The following POLA1 variants were observed in gnomAD, a reference collection of about 807,000 sequenced individuals.
The protein encoded by POLA1 is DNA polymerase alpha catalytic subunit.
A neutral mutation model predicts 124.0 loss-of-function variants in POLA1; 15 were observed. The observed-to-expected ratio is 0.12, with a 90% CI of 0.08 to 0.19. The LOEUF is 0.19. Among genes scored for constraint, POLA1 ranks in the 10% least tolerant of loss-of-function variants. The probability of loss-of-function intolerance (pLI) is 1.00; values close to 1 mark genes in which losing one functional copy is unlikely to be tolerated. For missense variants in POLA1, 886 were observed against 1,103.4 expected, an observed-to-expected ratio of 0.80 and a Z score of 2.79; for synonymous variants, 408 against 389.4, an observed-to-expected ratio of 1.05 and a Z score of -0.56.
intron 36 of POLA1, among the ~76,000 whole-genome samples, chrX:24,949,808 C>T (rs970330048): frequency 6.6e-5 from 7 of 106,002 alleles, no homozygotes; most frequent in African/African-American, 2.1e-4. Flanking sequence ...GATCTCGGCT[C>T]ACTGCAACCT....
intron 27 of POLA1, 87 bp from the exon 28 acceptor site, chrX:24,810,621 T>C (rs1016976349): frequency 4.6e-6 from 2 of 431,396 alleles, no homozygotes; most frequent in African/African-American, 2.6e-5. Context: ...GAGCCTGTAA[T>C]TTCTGTAGTA....
intron 26 of POLA1, among the ~76,000 whole-genome samples, chrX:24,749,459 A>G (rs1932204003): frequency 1.8e-5 from 2 of 112,041 alleles, no homozygotes; most frequent in Admixed American, 9.5e-5. Flanking sequence ...GGGCTAGAGA[A>G]TGTTTGGATG....
chrX:24,887,743 G>A (rs1231217173), intron 34 of POLA1, among the ~76,000 whole-genome samples: 1 of 109,277 alleles, frequency 9.2e-6, no homozygotes, highest in Admixed American at 9.7e-5. Flanking sequence ...GTATTGGAGT[G>A]AGGAAGGGTG....
In POLA1 at chrX:24,959,552, C is replaced by T. The variant is rs781448690; in HGVS notation, c.4261+29003C>T. Among the ~76,000 whole-genome samples the T allele has an allele frequency of 6.3e-5, 7 of 111,026 alleles. No homozygotes were observed. The East Asian group carries it at 1.7e-3, about 27-fold the overall frequency. On this transcript the variant is annotated intron_variant, in intron 36 of 36. Coordinates refer to ENST00000379068, the MANE Select transcript of POLA1 (RefSeq NM_001330360.2). ...TTCTACCATTTTCACTTGCTGCCAC[C>T]GTAGTTCAGGTGGTCCTCTCAACAG...
At chrX:24,761,519 G>T (rs138204290) in intron 26 of POLA1, among the ~76,000 whole-genome samples, 1,165 of 110,902 alleles carry the variant, frequency 0.011, 8 homozygotes, top group Non-Finnish European at 0.015. Context: ...TCAGCTCATG[G>T]GCTATTAATA....
chrX:24,943,399 T>G (rs757958884), intron 36 of POLA1, among the ~76,000 whole-genome samples: 1 of 112,751 alleles, frequency 8.9e-6, no homozygotes, highest in African/African-American at 3.2e-5. Context: ...TTGTTGTGTT[T>G]TGTTTTTTCA....
At chrX:24,954,185 G>A (rs1407910277) in intron 36 of POLA1, among the ~76,000 whole-genome samples, 1 of 112,260 alleles carries the variant, frequency 8.9e-6, no homozygotes, top group African/African-American at 3.2e-5. Flanking sequence ...AATTAAATAT[G>A]CTTTTTATGC....
intron 1 of POLA1, among the ~76,000 whole-genome samples, chrX:24,698,270 G>C (rs2148302578): frequency 8.9e-6 from 1 of 111,933 alleles, no homozygotes; most frequent in African/African-American, 3.2e-5. Context: ...GTGTGGAACG[G>C]TCAGTTTATG....
intron 35 of POLA1, among the ~76,000 whole-genome samples, chrX:24,922,328 G>A (rs757083212): frequency 1.7e-3 from 182 of 107,421 alleles, no homozygotes; most frequent in African/African-American, 5.6e-3. Flanking sequence ...CCTCTCCCCC[G>A]CCCACCTTGG....
intron 36 of POLA1, among the ~76,000 whole-genome samples, chrX:24,943,468 G>C (rs1364328058): frequency 8.9e-6 from 1 of 112,398 alleles, no homozygotes; most frequent in Non-Finnish European, 1.9e-5. Flanking sequence ...AATGTTTACT[G>C]CTGAACTAAT....
At chrX:24,858,949 C>G (rs1187466627) in intron 34 of POLA1, among the ~76,000 whole-genome samples, 1 of 111,529 alleles carries the variant, frequency 9.0e-6, no homozygotes, top group African/African-American at 3.3e-5. Flanking sequence ...TTATACTGTA[C>G]CTAGTTTGTC....
At chrX:24,708,640 G>A (rs1602253915) in intron 4 of POLA1, among the ~76,000 whole-genome samples, 1 of 44,397 alleles carries the variant, frequency 2.3e-5, no homozygotes, top group African/African-American at 8.4e-5. Flanking sequence ...ATCTTGCACC[G>A]CCCTTAATCC....
intron 26 of POLA1, among the ~76,000 whole-genome samples, chrX:24,784,756 C>T (rs2045332500): frequency 8.9e-6 from 1 of 112,045 alleles, no homozygotes; most frequent in African/African-American, 3.2e-5. Flanking sequence ...ATAGGTCTCA[C>T]AGGTAAGCAG....
intron 35 of POLA1, among the ~76,000 whole-genome samples, chrX:24,907,509 A>G (rs5944695): frequency 0.25 from 27,621 of 111,084 alleles, 2,465 homozygotes; most frequent in South Asian, 0.37. Flanking sequence ...GAAAAATGAC[A>G]TATATAAGAA....
rs973563822 is a variant in POLA1, at chrX:24,741,635, T to C, written c.2346+131T>C. 13 of 600,262 alleles carry C rather than the reference T, an allele frequency of 2.2e-5. No individual in the cohort carries two copies. The Admixed American group carries it at 3.7e-4, about 17-fold the overall frequency. The allele number at this position is 600,262 out of a possible 1,213,427, so 49.5% of individuals were successfully genotyped here. Reference sequence around the variant, plus strand: ...AGTAACTTGGATTCTGAAAGCTGGATTTCTTTTGTAAAAGGAAGAACTGGT... The same window carrying C: ...AGTAACTTGGATTCTGAAAGCTGGACTTCTTTTGTAAAAGGAAGAACTGGT... On this transcript the variant is annotated intron_variant, in intron 21 of 36. Coordinates refer to ENST00000379068, the MANE Select transcript of POLA1 (RefSeq NM_001330360.2).
At chrX:24,989,950 C>A (rs757024931) in intron 36 of POLA1, among the ~76,000 whole-genome samples, 1 of 111,713 alleles carries the variant, frequency 9.0e-6, no homozygotes, top group Admixed American at 9.5e-5. Context: ...AGTTGTTCAG[C>A]GTATCCAGAA....
In POLA1 at chrX:24,952,076, G is replaced by A. The variant is rs926894169; in HGVS notation, c.4261+21527G>A. Among the ~76,000 whole-genome samples, 3 of 111,646 alleles carry A rather than the reference G, an allele frequency of 2.7e-5. No homozygotes were observed. In the Admixed American group the frequency reaches 2.9e-4, roughly 11 times the overall value. On this transcript the variant is annotated intron_variant, in intron 36 of 36. Coordinates refer to ENST00000379068, the MANE Select transcript of POLA1 (RefSeq NM_001330360.2). ...CCTGAGTGCTTTGGTAAATGTGTTG[G>A]TTTGTACCATATAAAATTGCTGACA...
intron 26 of POLA1, among the ~76,000 whole-genome samples, chrX:24,753,679 A>G (rs1012005187): frequency 3.6e-5 from 4 of 111,902 alleles, no homozygotes; most frequent in African/African-American, 9.7e-5. Flanking sequence ...AAAACTGACT[A>G]TGTACTTATA....
intron 35 of POLA1, 47 bp from the exon 36 acceptor site, chrX:24,930,406 T>G (rs1273989684): frequency 1.2e-6 from 1 of 827,581 alleles, no homozygotes; most frequent in South Asian, 2.1e-5. Context: ...CCCCATCGCT[T>G]CCCCCTCCCC....
Sources: allele counts gnomAD v4.1 joint callset (sites outside exome capture counted in the v4.1 genomes callset), GRCh38; gene constraint gnomAD v4.1.1; transcripts MANE v1.5; gene names NCBI Gene and HGNC (gene_info 2026-07-23, HGNC 2026-07-21).